MEGF9: variants seen among roughly 807,000 people sequenced by gnomAD.
MEGF9 encodes multiple EGF like domains 9, also known as multiple epidermal growth factor-like domains protein 9.
A neutral mutation model predicts 46.8 loss-of-function variants in MEGF9; 6 were observed. The ratio of observed to expected loss-of-function variants is 0.13; its 90% CI spans 0.07 to 0.25. The LOEUF (loss-of-function observed/expected upper bound fraction) is 0.25. Ranked by LOEUF, MEGF9 falls within the 10% of genes least tolerant of loss-of-function variation. The pLI is 1.00. For missense variants in MEGF9, 683 were observed against 792.4 expected (o/e 0.86, Z 1.66); for synonymous variants, 302 against 330.7 (o/e 0.91, Z 0.94).
chr9:120,670,761 A>C (rs1470307), intron 1 of MEGF9, among the ~76,000 whole-genome samples: 1 of 151,790 alleles, frequency 6.6e-6, no homozygotes. Flanking sequence ...GCTCTTTATC[A>C]CATCCTCTCC....
At chr9:120,630,633 T>C (rs796779351) in intron 2 of MEGF9, among the ~76,000 whole-genome samples, 40 of 152,334 alleles carry the variant, frequency 2.6e-4, no homozygotes, top group African/African-American at 9.6e-4. Context: ...ACTAGAACAG[T>C]GTATAAGAGT....
chr9:120,629,727 A>C (rs1161897825), intron 2 of MEGF9, among the ~76,000 whole-genome samples: 1 of 152,162 alleles, frequency 6.6e-6, no homozygotes, highest in Non-Finnish European at 1.5e-5. Flanking sequence ...TGAGGTCAGG[A>C]GTTCAAGACC....
Position 120,622,434 on chromosome 9 carries a change from T to TTTTTTTTTTA in MEGF9, c.943+181_943+182insTAAAAAAAAA, listed in dbSNP as rs1554794918. Among the ~76,000 whole-genome samples the TTTTTTTTTTA allele has an allele frequency of 6.7e-4, 99 of 148,164 alleles. 1 individual carries two copies. Among genetic ancestry groups the TTTTTTTTTTA allele is most frequent in the African/African-American group, 2.4e-3 (96 of 39,612 alleles). ...GTATATGACTTTTTTTTTTTTTTTT[T>TTTTTTTTTTA]AATTTACGTACTTTTTCAAGTTTGT... On this transcript the variant is annotated intron_variant, in intron 3 of 5. Coordinates refer to ENST00000373930, the MANE Select transcript of MEGF9 (RefSeq NM_001080497.3).
intron 2 of MEGF9, among the ~76,000 whole-genome samples, chr9:120,646,594 A>G (rs2132315778): frequency 6.6e-6 from 1 of 152,332 alleles, no homozygotes; most frequent in Non-Finnish European, 1.5e-5. Context: ...TTTTCCAGCT[A>G]TAAGTGATGT....
chr9:120,705,706 T>C (rs2043926334), intron 1 of MEGF9, among the ~76,000 whole-genome samples: 1 of 152,152 alleles, frequency 6.6e-6, no homozygotes, highest in Non-Finnish European at 1.5e-5. Flanking sequence ...ACCTTTACTA[T>C]GATTCAAACC....
chr9:120,699,539 G>A (rs756406453), intron 1 of MEGF9, among the ~76,000 whole-genome samples: 16 of 151,816 alleles, frequency 1.1e-4, no homozygotes, highest in East Asian at 1.9e-4. Context: ...GCAATATAGC[G>A]AGACTGCATG....
chr9:120,705,076 T>C (rs1469250606), intron 1 of MEGF9, among the ~76,000 whole-genome samples: 2 of 152,120 alleles, frequency 1.3e-5, no homozygotes, highest in East Asian at 3.8e-4. Context: ...GGGGCATAAG[T>C]TGGACAATAA....
intron 1 of MEGF9, among the ~76,000 whole-genome samples, chr9:120,683,847 T>C (rs2043809537): frequency 6.6e-6 from 1 of 151,808 alleles, no homozygotes; most frequent in Admixed American, 6.6e-5. Flanking sequence ...TGAGCCATGA[T>C]CATATCACTG....
At chr9:120,638,640 C>G (rs990367441) in intron 2 of MEGF9, among the ~76,000 whole-genome samples, 2 of 152,208 alleles carry the variant, frequency 1.3e-5, no homozygotes, top group African/African-American at 2.4e-5. Flanking sequence ...TCTCACTGTT[C>G]TATATTCTCG....
At chr9:120,634,451 T>TCCATAAC (rs1564416859) in intron 2 of MEGF9, among the ~76,000 whole-genome samples, 2 of 67,572 alleles carry the variant, frequency 3.0e-5, no homozygotes, top group African/African-American at 1.0e-4. Flanking sequence ...AATATCTTTT[T>TCCATAAC]TTTTTTTTTT....
chr9:120,642,221 A>G (rs1486936246), intron 2 of MEGF9, among the ~76,000 whole-genome samples: 1 of 152,036 alleles, frequency 6.6e-6, no homozygotes, highest in Admixed American at 6.6e-5. Context: ...TCTGTTCAGT[A>G]TTTATTTTCA....
intron 1 of MEGF9, among the ~76,000 whole-genome samples, chr9:120,669,682 T>C (rs1201992001): frequency 2.0e-5 from 3 of 152,010 alleles, no homozygotes; most frequent in Non-Finnish European, 4.4e-5. Flanking sequence ...TCTAATACCA[T>C]AGTCTCAAAA....
chr9:120,643,280 G>T (rs2043611018), intron 2 of MEGF9, among the ~76,000 whole-genome samples: 1 of 152,004 alleles, frequency 6.6e-6, no homozygotes, highest in South Asian at 2.1e-4. Context: ...TTTCTTTCAG[G>T]GAATAGAGAG....
intron 1 of MEGF9, among the ~76,000 whole-genome samples, chr9:120,711,328 C>T (rs1248605522): frequency 2.0e-5 from 3 of 152,072 alleles, no homozygotes; most frequent in Admixed American, 1.3e-4. Flanking sequence ...CCCTAGATAC[C>T]GATATTTTTT....
intron 4 of MEGF9, among the ~76,000 whole-genome samples, chr9:120,609,258 G>A (rs558572559): frequency 6.6e-6 from 1 of 152,276 alleles, no homozygotes; most frequent in East Asian, 1.9e-4. Flanking sequence ...TCTTCTGTCT[G>A]AGGTTTTGTA....
At chr9:120,635,677 T>TA (rs1161958597) in intron 2 of MEGF9, among the ~76,000 whole-genome samples, 3 of 152,230 alleles carry the variant, frequency 2.0e-5, no homozygotes, top group Non-Finnish European at 4.4e-5. Flanking sequence ...TTCTTTTTTT[T>TA]ATGATTTCTA....
At chr9:120,707,964 G>C (rs552344555) in intron 1 of MEGF9, among the ~76,000 whole-genome samples, 1 of 152,292 alleles carries the variant, frequency 6.6e-6, no homozygotes, top group South Asian at 2.1e-4. Flanking sequence ...AGAACTGCTT[G>C]AACTTGGGAG....
intron 2 of MEGF9, among the ~76,000 whole-genome samples, chr9:120,652,316 T>C (rs1191504044): frequency 6.7e-6 from 1 of 149,126 alleles, no homozygotes; most frequent in East Asian, 2.0e-4. Context: ...TAAAACCCTG[T>C]CTCTACAAAA....
At chr9:120,699,188 A>G (rs2132342356) in intron 1 of MEGF9, among the ~76,000 whole-genome samples, 1 of 152,294 alleles carries the variant, frequency 6.6e-6, no homozygotes, top group Non-Finnish European at 1.5e-5. Context: ...ATTTTTTCAC[A>G]TTTTGATCTG....
Sources: gnomAD v4.1 joint callset for allele counts (sites outside exome capture counted in the v4.1 genomes callset) on GRCh38, gnomAD v4.1.1 for gene constraint, MANE v1.5 for transcripts, NCBI Gene and HGNC (gene_info 2026-07-23, HGNC 2026-07-21) for gene names.